The following RYR2 variants were observed in gnomAD, a reference collection of about 807,000 sequenced individuals.
The protein encoded by RYR2 is ryanodine receptor 2, also known as cardiac muscle ryanodine receptor-calcium release channel.
A neutral mutation model predicts 601.1 loss-of-function variants in RYR2; 227 were observed. The ratio of observed to expected loss-of-function variants is 0.38; its 90% CI spans 0.34 to 0.42. The LOEUF is 0.42. Ranked by LOEUF, RYR2 falls within the 10% of genes least tolerant of loss-of-function variation. RYR2 has a pLI of 1.00. For missense variants in RYR2, 4,646 were observed against 6,156.5 expected, an observed-to-expected ratio of 0.75 and a Z score of 8.21; for synonymous variants, 2,223 against 2,175.1, an observed-to-expected ratio of 1.02 and a Z score of -0.61.
At chr1:237,162,619 C>A (rs923393940) in intron 1 of RYR2, among the ~76,000 whole-genome samples, 2 of 151,976 alleles carry the variant, frequency 1.3e-5, no homozygotes, top group Non-Finnish European at 2.9e-5. Flanking sequence ...GGATACAGCA[C>A]CCCAAAATAT....
chr1:237,241,678 G>T (rs1183333681), intron 1 of RYR2, among the ~76,000 whole-genome samples: 2 of 152,172 alleles, frequency 1.3e-5, no homozygotes, highest in East Asian at 1.9e-4. Flanking sequence ...GTTATTTCTT[G>T]ATCATATGCT....
intron 2 of RYR2, among the ~76,000 whole-genome samples, chr1:237,327,312 T>C (rs982502473): frequency 6.6e-6 from 1 of 152,196 alleles, no homozygotes; most frequent in African/African-American, 2.4e-5. Context: ...TGTTTATTTA[T>C]GCTAACTCCC....
intron 8 of RYR2, among the ~76,000 whole-genome samples, chr1:237,378,825 T>C (rs777111677): frequency 6.6e-6 from 1 of 152,220 alleles, no homozygotes; most frequent in Non-Finnish European, 1.5e-5. Flanking sequence ...ACTTGCCTTG[T>C]AGAAGAGGTA....
intron 80 of RYR2, among the ~76,000 whole-genome samples, chr1:237,752,010 A>G (rs1692573813): frequency 6.6e-6 from 1 of 152,242 alleles, no homozygotes. Context: ...GTAATATTTT[A>G]GATTGTGATC....
intron 17 of RYR2, among the ~76,000 whole-genome samples, chr1:237,473,477 C>CTTTCTTCTTCTTTCTTTCTTTCTTTCT (rs1553464755): frequency 6.9e-6 from 1 of 145,562 alleles, no homozygotes. Flanking sequence ...ATCTATCTAT[C>CTTTCTTCTTCTTTCTTTCTTTCTTTCT]TGGCATATAT....
rs376974288 is a variant in RYR2, at chr1:237,784,481, C to T, written c.12769C>T (p.Arg4257Ter). 1 of 1,613,276 alleles carries T rather than the reference C, an allele frequency of 6.2e-7. No homozygotes were observed. Among genetic ancestry groups the T allele is most frequent in the Non-Finnish European group, 8.5e-7 (1 of 1,179,658 alleles). Residue 4257 changes from arginine to a stop codon, truncating the protein, a stop_gained, in exon 90 of 105, where the codon CGA becomes TGA. Transcript: ENST00000366574. LOFTEE classifies it high-confidence loss of function. This position sits in a 1 kb window ranked among gnomAD's most constrained non-coding sequence, Gnocchi z 7.1. ...CAGGTACAATATCTTGACCCTTATG[C>T]GAATGCTCAGTCTGAAGAGCCTGAA... ...ALRYNILTLM[R>*]MLSLKSLKKQ...
intron 1 of RYR2, among the ~76,000 whole-genome samples, chr1:237,155,179 C>CTTTTT (rs11412062): frequency 3.9e-5 from 5 of 127,630 alleles, no homozygotes; most frequent in African/African-American, 5.8e-5. Flanking sequence ...TTTTTCTTTT[C>CTTTTT]TTTTTTTTTT....
At chr1:237,128,252 C>G (rs868381259) in intron 1 of RYR2, among the ~76,000 whole-genome samples, 2 of 152,190 alleles carry the variant, frequency 1.3e-5, no homozygotes, top group Non-Finnish European at 2.9e-5. Flanking sequence ...CACGAGCCTG[C>G]GATCGCAGGC....
Position 237,832,850 on chromosome 1 carries a change from A to AATC in RYR2, c.*204_*206dup. ...ACTTTGAGACTAAAGACTGAAGAAT[A>AATC]ATCTAAATTCATACTCAGACAAAAA... On this transcript the variant is annotated 3_prime_UTR_variant, in exon 105 of 105. Coordinates refer to ENST00000366574, the MANE Select transcript of RYR2 (RefSeq NM_001035.3). 1 of 460,494 alleles carries AATC rather than the reference A, an allele frequency of 2.2e-6. No homozygotes were observed. The highest frequency in any genetic ancestry group is 3.4e-5 in the East Asian group (1 of 29,670). 28.5% of individuals were successfully genotyped at this position (460,494 alleles called of 1,614,324 possible).
chr1:237,156,614 A>G lies in RYR2; in HGVS notation c.49-113883A>G, dbSNP rs141599427. Reference sequence around the variant, plus strand: ...TCCTATACTAAGTGGTAGGGATGGGACCATATTTGTAGTTCTAGACCAGAG... The same window carrying G: ...TCCTATACTAAGTGGTAGGGATGGGGCCATATTTGTAGTTCTAGACCAGAG... On this transcript the variant is annotated intron_variant, in intron 1 of 104. Transcript: ENST00000366574. Among the ~76,000 whole-genome samples, 5 of 152,328 alleles carry G rather than the reference A, an allele frequency of 3.3e-5. No homozygotes were observed. The East Asian group carries it at 9.7e-4, about 29-fold the overall frequency.
At chr1:237,277,540 T>G (rs1458256674) in intron 2 of RYR2, among the ~76,000 whole-genome samples, 2 of 152,208 alleles carry the variant, frequency 1.3e-5, no homozygotes, top group Non-Finnish European at 2.9e-5. Flanking sequence ...AAATCCATAA[T>G]GTAGCAGGTT....
intron 2 of RYR2, among the ~76,000 whole-genome samples, chr1:237,327,669 C>T (rs79684540): frequency 0.036 from 5,398 of 151,666 alleles, 212 homozygotes; most frequent in African/African-American, 0.098. Context: ...ACAAGTGGTG[C>T]TTCATCATTT....
intron 61 of RYR2, among the ~76,000 whole-genome samples, 178 bp downstream of exon 61, chr1:237,678,290 T>A (rs1315462748): frequency 6.6e-6 from 1 of 152,236 alleles, no homozygotes; most frequent in Non-Finnish European, 1.5e-5. Context: ...TTGGTCAGAC[T>A]TTAACTCTGC....
chr1:237,242,735 T>C (rs189981548), intron 1 of RYR2, among the ~76,000 whole-genome samples: 29 of 152,294 alleles, frequency 1.9e-4, no homozygotes, highest in African/African-American at 6.7e-4. Context: ...CCTTCTTTCA[T>C]TGAAAAGGTT....
chr1:237,701,344 A>G (rs1467200507), intron 65 of RYR2, among the ~76,000 whole-genome samples: 1 of 152,168 alleles, frequency 6.6e-6, no homozygotes, highest in East Asian at 1.9e-4. Flanking sequence ...CAGCCTGGCC[A>G]GTATGGTGAA....
At chr1:237,816,422 A>G (rs1234813186) in intron 100 of RYR2, among the ~76,000 whole-genome samples, 1 of 152,224 alleles carries the variant, frequency 6.6e-6, no homozygotes, top group Non-Finnish European at 1.5e-5. Context: ...CGGTGACTCA[A>G]CGCCAGTAAT....
At chr1:237,830,116 G>A (rs6695129) in intron 102 of RYR2, 90,259 of 168,372 alleles carry the variant, frequency 0.54, 25,207 homozygotes, top group African/African-American at 0.7. Context: ...CCCCTTGGTC[G>A]TCCGACTTTG....
intron 1 of RYR2, among the ~76,000 whole-genome samples, chr1:237,255,538 TG>T: frequency 6.6e-6 from 1 of 152,346 alleles, no homozygotes; most frequent in South Asian, 2.1e-4. Context: ...TCCTGGTTTC[TG>T]GGAATCTGTC....
intron 55 of RYR2, 30 bp from the exon 56 acceptor site, chr1:237,660,780 A>G (rs1355452401): frequency 6.6e-7 from 1 of 1,524,382 alleles, no homozygotes; most frequent in Admixed American, 2.0e-5. Context: ...TTCATAATAT[A>G]TCTGTTGTTT....
Sources: gnomAD v4.1 joint callset for allele counts (sites outside exome capture counted in the v4.1 genomes callset) on GRCh38, gnomAD v4.1.1 for gene constraint, Gnocchi (gnomAD v3.1) non-coding constraint, MANE v1.5 for transcripts, NCBI Gene and HGNC (gene_info 2026-07-23, HGNC 2026-07-21) for gene names.